RAB27B: variants seen among roughly 807,000 people sequenced by gnomAD.
RAB27B encodes RAB27B, member RAS oncogene family.
RAB27B carries 15 observed loss-of-function variants against 24.6 expected under a neutral mutation model. The ratio of observed to expected loss-of-function variants is 0.61; its 90% CI spans 0.41 to 0.94. The LOEUF is 0.94. Ranked by LOEUF, RAB27B falls within the 40% of genes least tolerant of loss-of-function variation. The pLI is 0.00. For missense variants in RAB27B, 261 were observed against 266.8 expected (o/e 0.98, Z 0.15); for synonymous variants, 105 against 92.5 (o/e 1.14, Z -0.78).
At chr18:54,841,166 G>GGGGGGGGGGT (rs1568090951) in intron 1 of RAB27B, among the ~76,000 whole-genome samples, 1 of 114,010 alleles carries the variant, frequency 8.8e-6, no homozygotes, top group African/African-American at 2.9e-5. Flanking sequence ...GGGCGGTGGG[G>GGGGGGGGGGT]GGTTTGGTGA....
chr18:54,888,134 T>G lies in RAB27B; in HGVS notation c.467+16T>G. 1 of 1,611,382 alleles carries G rather than the reference T, an allele frequency of 6.2e-7. No homozygotes were observed. Among genetic ancestry groups the G allele is most frequent in the South Asian group, 1.1e-5 (1 of 90,530 alleles). The stretch of plus-strand genomic sequence containing the variant: ...ACAAATATGGGTAAGTCAGTTACAC[T>G]GAGATGGCATGTGACTTGCACACTG... On this transcript the variant is annotated intron_variant, in intron 5 of 5. Transcript: ENST00000262094.
intron 1 of RAB27B, among the ~76,000 whole-genome samples, chr18:54,842,266 A>T (rs542222511): frequency 2.9e-4 from 44 of 152,172 alleles, no homozygotes; most frequent in Non-Finnish European, 4.3e-4. Context: ...TTTCTTGCTT[A>T]TTCTAGCACA....
At chr18:54,766,508 T>G (rs1356060448) in intron 2 of RAB27B, among the ~76,000 whole-genome samples, 2 of 152,150 alleles carry the variant, frequency 1.3e-5, no homozygotes, top group Non-Finnish European at 2.9e-5. Context: ...TTTTTTGTTT[T>G]GGTGTGTTTT....
chr18:54,719,220 T>G (rs1909284658), intron 2 of RAB27B, among the ~76,000 whole-genome samples: 1 of 152,122 alleles, frequency 6.6e-6, no homozygotes, highest in African/African-American at 2.4e-5. Flanking sequence ...AAGTATATGT[T>G]TAAGTTTCTT....
At chr18:54,720,265 G>A (rs1445749062) in intron 2 of RAB27B, among the ~76,000 whole-genome samples, 1 of 152,064 alleles carries the variant, frequency 6.6e-6, no homozygotes, top group Non-Finnish European at 1.5e-5. Context: ...GTTATCCCAA[G>A]GCCTTGAAAA....
In RAB27B at chr18:54,846,844, TTTTG is replaced by T. The variant is rs370822510; in HGVS notation, c.-20+18164_-20+18167del. On this transcript the variant is annotated intron_variant, in intron 1 of 5. Coordinates refer to ENST00000262094, the MANE Select transcript of RAB27B (RefSeq NM_004163.4). ...AAATAGAAATGGACTTCACATGACT[TTTTG>T]TTTGTTTGTTTGTTTGTTTTGAGAC... 1.6e-3 allele frequency among the ~76,000 whole-genome samples: 243 copies of T among 152,108 alleles called. 5 individuals carry two copies. The South Asian group carries it at 0.036, about 23-fold the overall frequency.
At chr18:54,885,425 T>A (rs1478349609) in intron 4 of RAB27B, among the ~76,000 whole-genome samples, 21 of 152,206 alleles carry the variant, frequency 1.4e-4, no homozygotes, top group Admixed American at 1.4e-3. Context: ...TCCTCCGTAA[T>A]TCCCTCTTAC....
chr18:54,853,423 G>A (rs1362770132), intron 1 of RAB27B, among the ~76,000 whole-genome samples: 2 of 152,042 alleles, frequency 1.3e-5, no homozygotes, highest in Non-Finnish European at 2.9e-5. Context: ...GCAAGTTGTG[G>A]ACTTGCTTTA....
intron 2 of RAB27B, among the ~76,000 whole-genome samples, chr18:54,790,889 A>G (rs1457663965): frequency 6.6e-6 from 1 of 152,194 alleles, no homozygotes; most frequent in Non-Finnish European, 1.5e-5. Flanking sequence ...ACATCACTGA[A>G]CTTCTTCAAC....
chr18:54,725,734 A>T (rs1568043153), intron 2 of RAB27B, among the ~76,000 whole-genome samples: 1 of 151,440 alleles, frequency 6.6e-6, no homozygotes, highest in East Asian at 1.9e-4. Context: ...TATCACGAGA[A>T]TAGGACGAGG....
chr18:54,826,733 A>C (rs901483990), upstream of RAB27B, among the ~76,000 whole-genome samples: 5 of 152,254 alleles, frequency 3.3e-5, no homozygotes, highest in African/African-American at 1.2e-4. Context: ...ATTCAGGATC[A>C]ATAGACCTGT....
intron 2 of RAB27B, among the ~76,000 whole-genome samples, chr18:54,740,814 G>A (rs1256843869): frequency 6.6e-6 from 1 of 152,068 alleles, no homozygotes; most frequent in Non-Finnish European, 1.5e-5. Context: ...ATAGACAGAT[G>A]ATAGATAGAT....
chr18:54,747,962 G>T (rs533367362), intron 2 of RAB27B, among the ~76,000 whole-genome samples: 1 of 152,050 alleles, frequency 6.6e-6, no homozygotes, highest in South Asian at 2.1e-4. Flanking sequence ...ACAAAAATTA[G>T]CCATGCTTGG....
In RAB27B at chr18:54,889,374, G is replaced by A; in HGVS notation, c.618G>A (p.Leu206=). 6.2e-7 allele frequency: 1 copy of A among 1,613,090 alleles called. No homozygotes were observed. Among genetic ancestry groups the A allele is most frequent in the African/African-American group, 1.3e-5 (1 of 74,954 alleles). The part of the protein sequence containing the change: ...DTVNGGNSGN[L]DGEKPPEKKC... Reference sequence around the variant, plus strand: ...TCAATGGTGGAAATTCTGGAAACTTGGATGGGGAAAAGCCACCAGAGAAGA... The same window carrying A: ...TCAATGGTGGAAATTCTGGAAACTTAGATGGGGAAAAGCCACCAGAGAAGA... Residue 206 remains leucine, a synonymous_variant, in exon 6 of 6, where the codon TTG becomes TTA. Transcript: ENST00000262094.
At chr18:54,805,059 T>C (rs1909748592) in intron 2 of RAB27B, among the ~76,000 whole-genome samples, 1 of 151,690 alleles carries the variant, frequency 6.6e-6, no homozygotes, top group Admixed American at 6.6e-5. Flanking sequence ...GTGCCCAAGC[T>C]GACAGGGAGG....
intron 2 of RAB27B, among the ~76,000 whole-genome samples, chr18:54,760,955 G>A (rs192671244): frequency 1.3e-5 from 2 of 151,662 alleles, no homozygotes; most frequent in East Asian, 3.9e-4. Flanking sequence ...GAATCAATGG[G>A]AAAGGTCTAT....
intron 1 of RAB27B, among the ~76,000 whole-genome samples, chr18:54,867,791 G>A (rs1370387092): frequency 6.6e-6 from 1 of 152,112 alleles, no homozygotes; most frequent in Non-Finnish European, 1.5e-5. Flanking sequence ...CAGAACCAGG[G>A]GCAGCAAAGA....
At chr18:54,806,869 T>C (rs1909806874) in intron 2 of RAB27B, among the ~76,000 whole-genome samples, 1 of 152,130 alleles carries the variant, frequency 6.6e-6, no homozygotes, top group Admixed American at 6.5e-5. Flanking sequence ...TAGGTTTGAG[T>C]AAATACAGTT....
At chr18:54,822,969 A>G (rs1910358476) in intron 2 of RAB27B, among the ~76,000 whole-genome samples, 1 of 152,262 alleles carries the variant, frequency 6.6e-6, no homozygotes, top group African/African-American at 2.4e-5. Context: ...AGGTCCAAGT[A>G]TATCTTCATT....
Sources: allele counts gnomAD v4.1 joint callset (sites outside exome capture counted in the v4.1 genomes callset), GRCh38; gene constraint gnomAD v4.1.1; transcripts MANE v1.5; gene names NCBI Gene and HGNC (gene_info 2026-07-23, HGNC 2026-07-21).